Variants in NPY1R observed in about 807,000 individuals in gnomAD.
NPY1R encodes neuropeptide Y receptor type 1.
A neutral mutation model predicts 24.1 loss-of-function variants in NPY1R; 10 were observed. The ratio of observed to expected loss-of-function variants is 0.42; its 90% CI spans 0.26 to 0.71. The LOEUF (loss-of-function observed/expected upper bound fraction) is 0.71. Among genes scored for constraint, NPY1R ranks in the 30% least tolerant of loss-of-function variants. The pLI is 0.28. For synonymous variants in NPY1R, 168 were observed against 165.9 expected (o/e 1.01, Z -0.10); for missense variants, 350 against 458.0 (o/e 0.76, Z 2.15).
chr4:163,327,587 T>C (rs897986713), intron 1 of NPY1R, among the ~76,000 whole-genome samples: 7 of 152,158 alleles, frequency 4.6e-5, no homozygotes, highest in Non-Finnish European at 1.0e-4. Context: ...AGATTCTAAC[T>C]TTAAGAGTCT....
At chr4:163,339,648 T>G (rs534634483) in intron 1 of NPY1R, among the ~76,000 whole-genome samples, 5 of 152,226 alleles carry the variant, frequency 3.3e-5, no homozygotes, top group Admixed American at 2.0e-4. Flanking sequence ...CATTTGTTCA[T>G]CTCAAACATT....
Position 163,325,274 on chromosome 4 carries a change from T to C in NPY1R, c.*29A>G. The C allele has an allele frequency of 6.7e-7, 1 of 1,496,544 alleles. No individual in the cohort carries two copies. The allele number at this position is 1,496,544 out of a possible 1,614,324, so 92.7% of individuals were successfully genotyped here. A position where few individuals can be genotyped will look rare whatever the true frequency, so the allele number is the denominator to read the frequency against. The stretch of plus-strand genomic sequence containing the variant: ...GGTTGTGCTTGTTTTTAAACAGATG[T>C]CATCCGGGACCATAGGCTATAAGTA... On this transcript the variant is annotated 3_prime_UTR_variant, in exon 3 of 3. Coordinates refer to ENST00000296533, the MANE Select transcript of NPY1R (RefSeq NM_000909.6).
At chr4:163,331,081 G>T (rs1355923131) in intron 1 of NPY1R, 1 of 152,288 alleles carries the variant, frequency 6.6e-6, no homozygotes, top group East Asian at 1.9e-4. Context: ...CCTGGGTGGG[G>T]AACCTGGTCG....
At chr4:163,339,580 T>C (rs747496951) in intron 1 of NPY1R, among the ~76,000 whole-genome samples, 1 of 152,090 alleles carries the variant, frequency 6.6e-6, no homozygotes, top group African/African-American at 2.4e-5. Flanking sequence ...TGTTGAAAGA[T>C]TGAAAAACTA....
At chr4:163,328,552 G>T (rs549943730) in intron 1 of NPY1R, among the ~76,000 whole-genome samples, 2 of 152,166 alleles carry the variant, frequency 1.3e-5, no homozygotes, top group Non-Finnish European at 2.9e-5. Context: ...TTGTCACCAA[G>T]TACCAACAGG....
At chr4:163,344,424 T>G (rs917842010) in exon 1 of NPY1R, 2 of 152,194 alleles carry the variant, frequency 1.3e-5, no homozygotes, top group African/African-American at 4.8e-5. Flanking sequence ...GCGCTCTGGC[T>G]GCAGCCCGGC....
intron 1 of NPY1R, among the ~76,000 whole-genome samples, chr4:163,332,071 C>A (rs1050855159): frequency 1.3e-5 from 2 of 152,240 alleles, no homozygotes; most frequent in African/African-American, 2.4e-5. Context: ...AACTCCGGTG[C>A]GGCCAGAGCC....
intron 1 of NPY1R, among the ~76,000 whole-genome samples, chr4:163,339,291 C>T (rs1029026414): frequency 3.9e-5 from 6 of 152,132 alleles, no homozygotes; most frequent in Admixed American, 1.3e-4. Context: ...TCTTACCAAC[C>T]CTTTACATTT....
intron 1 of NPY1R, among the ~76,000 whole-genome samples, chr4:163,331,832 G>T (rs767216832): frequency 4.6e-5 from 7 of 152,212 alleles, no homozygotes; most frequent in Non-Finnish European, 2.9e-5. Flanking sequence ...GTGTCTATCG[G>T]GGCGCAGCGC....
chr4:163,326,179 C>G lies in NPY1R; in HGVS notation c.376G>C (p.Val126Leu). ...ATGAGAACCAGAGAGAAAATGGACA[C>G]AGTGATTGAAACACATTGCACAAAA... is the stretch of plus-strand genomic sequence containing the variant. ...NPFVQCVSIT[V>L]SIFSLVLIAV... Residue 126 changes from valine to leucine, a missense_variant, in exon 2 of 3, where the codon GTG becomes CTG. By Grantham distance (32) the Val-to-Leu change is conservative (BLOSUM62 1). Coordinates refer to ENST00000296533, the MANE Select transcript of NPY1R (RefSeq NM_000909.6). 6.2e-7 allele frequency: 1 copy of G among 1,614,148 alleles called. No homozygotes were observed. Among genetic ancestry groups the G allele is most frequent in the Non-Finnish European group, 8.5e-7 (1 of 1,179,994 alleles).
intron 1 of NPY1R, among the ~76,000 whole-genome samples, chr4:163,339,667 G>A (rs766632870): frequency 1.3e-5 from 2 of 152,176 alleles, no homozygotes; most frequent in African/African-American, 2.4e-5. Flanking sequence ...TTAAAAAAGT[G>A]TCTTCAGCAT....
chr4:163,325,909 A>C lies in NPY1R; in HGVS notation c.646T>G (p.Leu216Val), dbSNP rs137914419. 8.1e-6 allele frequency: 13 copies of C among 1,614,004 alleles called. No individual in the cohort carries two copies. Among genetic ancestry groups the C allele is most frequent in the Non-Finnish European group, 1.1e-5 (13 of 1,179,986 alleles). The change falls in exon 2 of 3, where the codon TTG becomes GTG. Residue 216 changes from leucine (L) to valine (V), a missense_variant. Physicochemically the swap from Leu to Val is conservative, Grantham distance 32 (BLOSUM62 1). Transcript: ENST00000296533. Reference protein sequence around the residue: ...SHRLSYTTLLLVLQYFGPLCF... With the variant: ...SHRLSYTTLLVVLQYFGPLCF... Reference sequence around the variant, plus strand: ...AGTGGACCAAAATACTGCAGCACCAAGAGGAGAGTGGTATAAGACAACCTA... The same window carrying C: ...AGTGGACCAAAATACTGCAGCACCACGAGGAGAGTGGTATAAGACAACCTA...
Position 163,325,650 on chromosome 4 carries a change from C to T in NPY1R, c.808G>A (p.Val270Ile). 6.2e-7 allele frequency: 1 copy of T among 1,609,068 alleles called. No homozygotes were observed. Among genetic ancestry groups the T allele is most frequent in the Non-Finnish European group, 8.5e-7 (1 of 1,179,486 alleles). The change falls in exon 3 of 3, where the codon GTA becomes ATA. Residue 270 changes from valine (V) to isoleucine (I), a missense_variant. Physicochemically the swap from Val to Ile is conservative, Grantham distance 29 (BLOSUM62 3). Coordinates refer to ENST00000296533, the MANE Select transcript of NPY1R (RefSeq NM_000909.6). ...RINIMLLSIV[V>I]AFAVCWLPLT... is the part of the protein sequence containing the mutation. ...GGGAGCCAGCAGACTGCAAATGCTA[C>T]CACAATGGAGAGCAGCATGATATTG...
intron 1 of NPY1R, chr4:163,343,900 G>A (rs149127945): frequency 0.022 from 3,328 of 153,062 alleles, 57 homozygotes; most frequent in Non-Finnish European, 0.035. Context: ...CCGCCTCCAG[G>A]TCCTGCTCCC....
In NPY1R at chr4:163,325,948, G is replaced by C; in HGVS notation, c.607C>G (p.Pro203Ala). 1 of 1,614,016 alleles carries C rather than the reference G, an allele frequency of 6.2e-7. No individual in the cohort carries two copies. The highest frequency in any genetic ancestry group is 8.5e-7 in the Non-Finnish European group (1 of 1,179,940). ...TAAGACAACCTATGAGAGTCCGATG[G>C]AAATTGATCAAAGCACACGTATTTG... is the stretch of plus-strand genomic sequence containing the variant. Reference protein sequence around the residue: ...KDKYVCFDQFPSDSHRLSYTT... With the variant: ...KDKYVCFDQFASDSHRLSYTT... The change falls in exon 2 of 3, where the codon CCA (proline) becomes GCA (alanine). Residue 203 changes from proline (P) to alanine (A), a missense_variant. Transcript: ENST00000296533.
chr4:163,341,064 T>A (rs1734969264), intron 1 of NPY1R, among the ~76,000 whole-genome samples: 1 of 151,756 alleles, frequency 6.6e-6, no homozygotes. Context: ...TACTTTGGGC[T>A]AAACTTCTTT....
upstream of NPY1R, among the ~76,000 whole-genome samples, chr4:163,335,971 T>C (rs374513809): frequency 4.6e-5 from 7 of 152,248 alleles, no homozygotes; most frequent in African/African-American, 1.7e-4. Context: ...ACAATCATTT[T>C]ATTCATCTGA....
intron 1 of NPY1R, among the ~76,000 whole-genome samples, chr4:163,340,719 T>C (rs1359795029): frequency 2.6e-5 from 4 of 152,060 alleles, no homozygotes; most frequent in African/African-American, 9.7e-5. Flanking sequence ...AGCCACACCA[T>C]TAATTTGAGA....
chr4:163,342,888 T>C (rs1368433004), intron 1 of NPY1R, among the ~76,000 whole-genome samples: 3 of 151,556 alleles, frequency 2.0e-5, no homozygotes, highest in Non-Finnish European at 4.4e-5. Flanking sequence ...ACTACACCCT[T>C]TCTCATGGTA....
Sources: allele counts gnomAD v4.1 joint callset (sites outside exome capture counted in the v4.1 genomes callset), GRCh38; gene constraint gnomAD v4.1.1; transcripts MANE v1.5; gene names NCBI Gene and HGNC (gene_info 2026-07-23, HGNC 2026-07-21).